CARMIL1: variants seen among roughly 807,000 people sequenced by gnomAD.
The protein encoded by CARMIL1 is F-actin-uncapping protein LRRC16A.
In CARMIL1, 90 loss-of-function variants were observed where a neutral mutation model predicts 177.1. The ratio of observed to expected loss-of-function variants is 0.51; its 90% CI spans 0.43 to 0.61. CARMIL1 has a LOEUF of 0.61. Among genes scored for constraint, CARMIL1 ranks in the 20% least tolerant of loss-of-function variants. The probability of loss-of-function intolerance (pLI) is 0.00; values close to 1 mark genes in which losing one functional copy is unlikely to be tolerated. For synonymous variants in CARMIL1, 577 were observed against 606.2 expected, an observed-to-expected ratio of 0.95 and a Z score of 0.71; for missense variants, 1,380 against 1,667.0, an observed-to-expected ratio of 0.83 and a Z score of 3.00.
At chr6:25,358,361 T>C (rs1788846689) in intron 2 of CARMIL1, among the ~76,000 whole-genome samples, 1 of 152,188 alleles carries the variant, frequency 6.6e-6, no homozygotes, top group African/African-American at 2.4e-5. Flanking sequence ...GAGGTATTAC[T>C]TGAATGTGAC....
At chr6:25,428,040 A>G (rs1214572212) in intron 4 of CARMIL1, among the ~76,000 whole-genome samples, 1 of 152,154 alleles carries the variant, frequency 6.6e-6, no homozygotes, top group African/African-American at 2.4e-5. Flanking sequence ...CAATTTATCA[A>G]TGTTTTCTTT....
At chr6:25,498,487 C>G (rs1289316399) in intron 16 of CARMIL1, among the ~76,000 whole-genome samples, 1 of 152,080 alleles carries the variant, frequency 6.6e-6, no homozygotes, top group Non-Finnish European at 1.5e-5. Context: ...AATCATTGGG[C>G]TTCTATAGTT....
At chr6:25,499,366 T>C (rs956130219) in intron 16 of CARMIL1, among the ~76,000 whole-genome samples, 1 of 152,250 alleles carries the variant, frequency 6.6e-6, no homozygotes, top group African/African-American at 2.4e-5. Context: ...TTCATCTCTA[T>C]GTTTTTCACA....
intron 31 of CARMIL1, among the ~76,000 whole-genome samples, chr6:25,592,684 G>A (rs1195643824): frequency 1.3e-5 from 2 of 152,090 alleles, no homozygotes; most frequent in African/African-American, 4.8e-5. Flanking sequence ...TTGTTCAAGG[G>A]GTTTTTTCTT....
At chr6:25,286,935 A>T (rs1172552914) in intron 2 of CARMIL1, among the ~76,000 whole-genome samples, 6 of 152,228 alleles carry the variant, frequency 3.9e-5, no homozygotes, top group Admixed American at 6.5e-5. Context: ...ACCAAATTAA[A>T]AATGTATTTG....
At chr6:25,500,861 G>A (rs1040256612) in intron 17 of CARMIL1, among the ~76,000 whole-genome samples, 3 of 151,756 alleles carry the variant, frequency 2.0e-5, no homozygotes, top group South Asian at 2.1e-4. Context: ...CTGGGTTCAC[G>A]CCATTCTCCT....
At position 25,510,519 on chromosome 6, in the gene CARMIL1, A is replaced by G. The variant is rs1317352583; in HGVS notation, c.1490A>G (p.Asp497Gly). ...TGATTCTTTCCAGGTTTAGAATCTG[A>G]CCTATCTACCTTAATAGTGTGGCTC... ...LDISDNGLES[D>G]LSTLIVWLSK... The change falls in exon 19 of 37, where the codon GAC becomes GGC. Residue 497 changes from aspartate (D) to glycine (G), a missense_variant. By Grantham distance (94) the Asp-to-Gly change is moderately conservative. Transcript: ENST00000329474. 6.5e-7 allele frequency: 1 copy of G among 1,546,104 alleles called. No homozygotes were observed.
chr6:25,313,683 G>GCATGTATATATATA, intron 2 of CARMIL1, among the ~76,000 whole-genome samples: 1 of 133,774 alleles, frequency 7.5e-6, no homozygotes, highest in South Asian at 2.6e-4. Flanking sequence ...AGGGAAGGCT[G>GCATGTATATATATA]TATATATACA....
At chr6:25,379,220 A>G (rs1791301958) in intron 2 of CARMIL1, among the ~76,000 whole-genome samples, 1 of 152,208 alleles carries the variant, frequency 6.6e-6, no homozygotes, top group Non-Finnish European at 1.5e-5. Context: ...ATATTGTCCT[A>G]TCTTCTAGGA....
intron 2 of CARMIL1, among the ~76,000 whole-genome samples, chr6:25,407,200 G>T (rs898145368): frequency 1.3e-5 from 2 of 152,124 alleles, no homozygotes; most frequent in African/African-American, 2.4e-5. Flanking sequence ...CTGAGTATGG[G>T]TACCTTTTTT....
At chr6:25,531,666 G>T (rs1158928593) in intron 24 of CARMIL1, among the ~76,000 whole-genome samples, 1 of 152,124 alleles carries the variant, frequency 6.6e-6, no homozygotes, top group African/African-American at 2.4e-5. Context: ...TTCCTGCAAG[G>T]AACTAATACT....
chr6:25,487,110 G>C (rs920491110), intron 12 of CARMIL1, among the ~76,000 whole-genome samples: 1 of 152,032 alleles, frequency 6.6e-6, no homozygotes, highest in Non-Finnish European at 1.5e-5. Context: ...TTGAGAAATG[G>C]CTCAGTAGCC....
At chr6:25,454,896 A>C (rs1799350345) in intron 8 of CARMIL1, among the ~76,000 whole-genome samples, 1 of 151,964 alleles carries the variant, frequency 6.6e-6, no homozygotes, top group African/African-American at 2.4e-5. Flanking sequence ...TGTGTGGGTT[A>C]TTCTCTTACC....
intron 11 of CARMIL1, among the ~76,000 whole-genome samples, chr6:25,477,855 T>C (rs1801719475): frequency 6.9e-6 from 1 of 144,996 alleles, no homozygotes; most frequent in Non-Finnish European, 1.5e-5. Flanking sequence ...CTCATCACTT[T>C]TTTTTTTTTT....
intron 2 of CARMIL1, among the ~76,000 whole-genome samples, chr6:25,297,290 T>A (rs1484265336): frequency 6.6e-6 from 1 of 152,244 alleles, no homozygotes; most frequent in Non-Finnish European, 1.5e-5. Flanking sequence ...GGTGTACAGA[T>A]GTTTCCCTTC....
chr6:25,467,964 T>C (rs1214985243), intron 9 of CARMIL1, among the ~76,000 whole-genome samples: 3 of 152,102 alleles, frequency 2.0e-5, no homozygotes, highest in Non-Finnish European at 2.9e-5. Flanking sequence ...TGTCTAACAT[T>C]GGGTTTATTC....
intron 4 of CARMIL1, among the ~76,000 whole-genome samples, chr6:25,426,815 C>G (rs1179873246): frequency 6.6e-6 from 1 of 152,000 alleles, no homozygotes; most frequent in Non-Finnish European, 1.5e-5. Flanking sequence ...GAGTACTGTT[C>G]CTTATAGAGT....
At chr6:25,388,385 G>C (rs1792395172) in intron 2 of CARMIL1, 1 of 149,542 alleles carries the variant, frequency 6.7e-6, no homozygotes, top group Non-Finnish European at 1.5e-5. Flanking sequence ...TGTTTTGTTT[G>C]AGATGAAGTC....
At chr6:25,490,750 TAAA>T (rs377733924) in intron 13 of CARMIL1, among the ~76,000 whole-genome samples, 73 of 50,902 alleles carry the variant, frequency 1.4e-3, no homozygotes, top group African/African-American at 5.2e-3. Context: ...AATAAATAAA[TAAA>T]AAAAAATAAA....
Sources: allele counts gnomAD v4.1 joint callset (sites outside exome capture counted in the v4.1 genomes callset), GRCh38; gene constraint gnomAD v4.1.1; transcripts MANE v1.5; gene names NCBI Gene and HGNC (gene_info 2026-07-23, HGNC 2026-07-21).